The following RMDN3 variants were observed in gnomAD, a reference collection of about 807,000 sequenced individuals.
RMDN3 encodes regulator of microtubule dynamics 3.
RMDN3 carries 41 observed loss-of-function variants against 61.8 expected under a neutral mutation model. That is an observed-to-expected ratio of 0.66 (90% CI 0.52 to 0.86). RMDN3 has a LOEUF of 0.86. RMDN3 is among the 40% of genes least tolerant of loss of function. The pLI is 0.00. For synonymous variants in RMDN3, 247 were observed against 232.0 expected (o/e 1.06, Z -0.59); for missense variants, 557 against 585.3 (o/e 0.95, Z 0.50).
intron 6 of RMDN3, among the ~76,000 whole-genome samples, chr15:40,741,640 T>TTTTTTTTTTTTTTTTTTG (rs1567063337): frequency 7.2e-6 from 1 of 138,846 alleles, no homozygotes. Flanking sequence ...TTTTTTTTTT[T>TTTTTTTTTTTTTTTTTTG]TTTTTTGAGA....
At chr15:40,745,721 C>G (rs896425638) in intron 4 of RMDN3, among the ~76,000 whole-genome samples, 1 of 152,038 alleles carries the variant, frequency 6.6e-6, no homozygotes, top group African/African-American at 2.4e-5. Context: ...GGAAAATGAT[C>G]CAGGAAGGAA....
At chr15:40,740,507 G>A (rs190864962) in intron 6 of RMDN3, among the ~76,000 whole-genome samples, 16 of 152,310 alleles carry the variant, frequency 1.1e-4, no homozygotes, top group East Asian at 3.9e-4. Flanking sequence ...TTAGCTGGGC[G>A]TGGTGGCAGG....
chr15:40,748,339 C>T (rs763913959), intron 4 of RMDN3, among the ~76,000 whole-genome samples: 10 of 152,222 alleles, frequency 6.6e-5, no homozygotes, highest in Non-Finnish European at 1.5e-4. Flanking sequence ...TCATTCACCA[C>T]GGCCACTGCC....
At chr15:40,743,032 G>A (rs930749527) in intron 6 of RMDN3, among the ~76,000 whole-genome samples, 1 of 152,196 alleles carries the variant, frequency 6.6e-6, no homozygotes, top group African/African-American at 2.4e-5. Flanking sequence ...TGTTTAGAAT[G>A]TTAACTTTGA....
At chr15:40,738,063 T>G in intron 8 of RMDN3, 21 bp from the exon 9 acceptor site, 1 of 1,612,284 alleles carries the variant, frequency 6.2e-7, no homozygotes, top group Non-Finnish European at 8.5e-7. Flanking sequence ...AATGTAAATA[T>G]AAACTAACAT....
chr15:40,754,773 A>T lies in RMDN3; in HGVS notation c.11T>A (p.Leu4Gln). The T allele has an allele frequency of 6.6e-7, 1 of 1,508,438 alleles. No homozygotes were observed. The highest frequency in any genetic ancestry group is 9.0e-7 in the Non-Finnish European group (1 of 1,110,600). 93.4% of individuals were successfully genotyped at this position (1,508,438 alleles called of 1,614,324 possible). The stretch of plus-strand genomic sequence containing the variant: ...GGCACGGGCACCACCCAGGGCTCCC[A>T]GTCTAGACATGCTGCACCTGCGGCC... MSRLGALGGARAGL... is the reference protein window; with the variant it reads MSRQGALGGARAGL... The change falls in exon 2 of 13, where the codon CTG (leucine) becomes CAG (glutamine). Residue 4 changes from leucine to glutamine, a missense_variant. Transcript: ENST00000338376.
intron 4 of RMDN3, among the ~76,000 whole-genome samples, chr15:40,747,155 T>G (rs911374983): frequency 1.5e-4 from 23 of 152,266 alleles, no homozygotes; most frequent in African/African-American, 5.3e-4. Context: ...TCTTGCTGAG[T>G]TGAGGGCTGC....
At chr15:40,737,504 A>G (rs1897102519) in intron 10 of RMDN3, 124 bp downstream of exon 10, 14 of 1,130,004 alleles carry the variant, frequency 1.2e-5, no homozygotes, top group Non-Finnish European at 1.8e-5. Flanking sequence ...GTTTTCCCAT[A>G]GAACAGGCAA....
intron 7 of RMDN3, 128 bp downstream of exon 7, chr15:40,740,005 T>TACA: frequency 1.4e-6 from 1 of 693,382 alleles, no homozygotes; most frequent in Non-Finnish European, 2.6e-6. Context: ...CATGTGGAGA[T>TACA]ACAAGCCAGA....
chr15:40,751,650 C>T (rs1897828450), intron 3 of RMDN3, 81 bp from the exon 4 acceptor site: 7 of 1,576,530 alleles, frequency 4.4e-6, no homozygotes, highest in Non-Finnish European at 6.1e-6. Flanking sequence ...GTGCCTCTTA[C>T]TACTGCTCCT....
chr15:40,754,991 C>T, intron 1 of RMDN3, 92 bp downstream of exon 1: 1 of 551,268 alleles, frequency 1.8e-6, no homozygotes, highest in South Asian at 2.2e-5. Flanking sequence ...GCCCCACTGC[C>T]TCTCTTCTCA....
In RMDN3 at chr15:40,745,097, A is replaced by C; in HGVS notation, c.687T>G (p.Ala229=). 1 of 1,614,158 alleles carries C rather than the reference A, an allele frequency of 6.2e-7. No homozygotes were observed. Among genetic ancestry groups the C allele is most frequent in the Non-Finnish European group, 8.5e-7 (1 of 1,180,016 alleles). ...CATCCTCCAAGCCTGAGGAACCTCC[A>C]GCCTCCAGGGCACTGGAGGCACCTG... ...AASGASSALE[A]GGSSGLEDVL... is the part of the protein sequence containing the mutation. The change falls in exon 5 of 13, where the codon GCT becomes GCG. Residue 229 remains alanine (A), a synonymous_variant. Coordinates refer to ENST00000338376, the MANE Select transcript of RMDN3 (RefSeq NM_018145.3).
chr15:40,738,130 T>C (rs997043412), intron 8 of RMDN3, 88 bp from the exon 9 acceptor site: 1 of 1,358,596 alleles, frequency 7.4e-7, no homozygotes, highest in African/African-American at 1.4e-5. Context: ...CTCATGCCTG[T>C]AATCCCTGCA....
At chr15:40,741,485 T>C (rs1211591871) in intron 6 of RMDN3, among the ~76,000 whole-genome samples, 3 of 152,164 alleles carry the variant, frequency 2.0e-5, no homozygotes, top group African/African-American at 7.2e-5. Context: ...TAGGTTAGTG[T>C]TCTAACAAAG....
intron 2 of RMDN3, among the ~76,000 whole-genome samples, chr15:40,754,217 G>A (rs560399748): frequency 1.4e-5 from 2 of 147,132 alleles, no homozygotes; most frequent in Admixed American, 1.4e-4. Flanking sequence ...TGCGGCCTCC[G>A]CCTACCAGGT....
intron 7 of RMDN3, chr15:40,739,250 A>G (rs1280158250): frequency 6.6e-6 from 1 of 152,202 alleles, no homozygotes; most frequent in Non-Finnish European, 1.5e-5. Context: ...CACAGTTGAC[A>G]TTCGATGAGT....
chr15:40,740,148 G>T lies in RMDN3; in HGVS notation c.956C>A (p.Ala319Asp), dbSNP rs777219338. Residue 319 changes from alanine to aspartate, a missense_variant, in exon 7 of 13, where the codon GCT becomes GAT. Transcript: ENST00000338376. ...GTGTTATTACCACAGGTGACAGTCA[G>T]CACTCTCATCCCCCTTCTCCAGAGC... is the stretch of plus-strand genomic sequence containing the variant. Reference protein sequence around the residue: ...EAALEKGDESADCHLWYAVLC... With the variant: ...EAALEKGDESDDCHLWYAVLC... 7.5e-6 allele frequency: 12 copies of T among 1,610,378 alleles called. No individual in the cohort carries two copies. The African/African-American group carries it at 1.5e-4, about 20-fold the overall frequency.
At chr15:40,754,848 A>G in intron 1 of RMDN3, 58 bp from the exon 2 acceptor site, 2 of 1,329,714 alleles carry the variant, frequency 1.5e-6, no homozygotes, top group South Asian at 1.4e-5. Flanking sequence ...GGGGGTAAGG[A>G]GAGAGAGAGA....
chr15:40,751,179 AAAT>A, intron 4 of RMDN3, among the ~76,000 whole-genome samples: 1 of 152,376 alleles, frequency 6.6e-6, no homozygotes, highest in African/African-American at 2.4e-5. Flanking sequence ...AAAAATGCCC[AAAT>A]AATATATCAT....
Sources: gnomAD v4.1 joint callset for allele counts (sites outside exome capture counted in the v4.1 genomes callset) on GRCh38, gnomAD v4.1.1 for gene constraint, MANE v1.5 for transcripts, NCBI Gene and HGNC (gene_info 2026-07-23, HGNC 2026-07-21) for gene names.